OTULIN: variants seen among roughly 807,000 people sequenced by gnomAD.
OTULIN encodes OTU deubiquitinase with linear linkage specificity.
Under a neutral mutation model 39.6 loss-of-function variants are expected in OTULIN, and 15 were observed. That is an observed-to-expected ratio of 0.38 (90% CI 0.25 to 0.58). The LOEUF is 0.58. Among genes scored for constraint, OTULIN ranks in the 20% least tolerant of loss-of-function variants. OTULIN has a pLI of 0.66. For synonymous variants in OTULIN, 156 were observed against 170.3 expected, an observed-to-expected ratio of 0.92 and a Z score of 0.65; for missense variants, 319 against 445.9, an observed-to-expected ratio of 0.72 and a Z score of 2.56.
chr5:14,668,849 C>G (rs1439972831), intron 1 of OTULIN, among the ~76,000 whole-genome samples: 4 of 152,190 alleles, frequency 2.6e-5, no homozygotes, highest in African/African-American at 9.7e-5. Flanking sequence ...TCACTAAGTT[C>G]TGCTTTTAAC....
intron 2 of OTULIN, among the ~76,000 whole-genome samples, chr5:14,678,239 A>G (rs1736155273): frequency 6.6e-6 from 1 of 152,230 alleles, no homozygotes; most frequent in Non-Finnish European, 1.5e-5. Context: ...GGGAAGAGCA[A>G]GCCAGGTGTT....
rs1011632847 is a variant in OTULIN at position 14,694,447 on chromosome 5, G to A, written c.*1399G>A. ...CTGGCAGCCCCTGAATTGGCTCAAC[G>A]TTTGTGGAGGTGGTATTTCCCTGAA... On this transcript the variant is annotated 3_prime_UTR_variant, in exon 7 of 7. Transcript: ENST00000284274. The A allele has an allele frequency of 2.0e-5, 3 of 152,212 alleles. No homozygotes were observed. The highest frequency in any genetic ancestry group is 2.9e-5 in the Non-Finnish European group (2 of 68,042). 9.4% of individuals were successfully genotyped at this position (152,212 alleles called of 1,614,324 possible). A position where few individuals can be genotyped will look rare whatever the true frequency, so the allele number is the denominator to read the frequency against.
intron 5 of OTULIN, among the ~76,000 whole-genome samples, chr5:14,688,399 A>G (rs1736440814): frequency 6.6e-6 from 1 of 152,124 alleles, no homozygotes; most frequent in Non-Finnish European, 1.5e-5. Flanking sequence ...CCTAGCACGT[A>G]CTTCAAACAG....
chr5:14,707,359 T>C, the OTULIN span: 1 of 151,846 alleles, frequency 6.6e-6, no homozygotes, highest in Non-Finnish European at 1.5e-5. Flanking sequence ...ACCAAGGATA[T>C]AGAAAAGTTA....
Position 14,664,980 on chromosome 5 carries a change from G to A in OTULIN, c.152+3G>A. On this transcript the variant is annotated splice_donor_region_variant and intron_variant, in intron 1 of 6. Transcript: ENST00000284274. ...GAGATGCAGTGCCCGGCCGAGCAGT[G>A]AGTCCGCGGGGGCGCGGGGCGCGGG... 1 of 1,069,284 alleles carries A rather than the reference G, an allele frequency of 9.4e-7. No individual in the cohort carries two copies. Among genetic ancestry groups the A allele is most frequent in the Non-Finnish European group, 1.1e-6 (1 of 885,186 alleles). The allele number at this position is 1,069,284 out of a possible 1,614,324, so 66.2% of individuals were successfully genotyped here. A position where few individuals can be genotyped will look rare whatever the true frequency, so the allele number is the denominator to read the frequency against.
At chr5:14,676,611 C>T (rs989886039) in intron 2 of OTULIN, among the ~76,000 whole-genome samples, 2 of 152,246 alleles carry the variant, frequency 1.3e-5, no homozygotes, top group Non-Finnish European at 2.9e-5. Context: ...GGGTGCTGGG[C>T]TTGCCCCACC....
chr5:14,680,627 C>T lies in OTULIN; in HGVS notation c.325-837C>T, dbSNP rs543970756. ...ATCATGCCTGCTGGGGGACCAGACT[C>T]ACTAGGATTTTTTGGTGTCTTTTCA... On this transcript the variant is annotated intron_variant, in intron 3 of 6. Coordinates refer to ENST00000284274, the MANE Select transcript of OTULIN (RefSeq NM_138348.6). Among the ~76,000 whole-genome samples, 116 of 152,196 alleles carry T rather than the reference C, an allele frequency of 7.6e-4. 2 individuals are homozygous for T. The highest frequency in any genetic ancestry group is 1.6e-3 in the Non-Finnish European group (106 of 68,040).
chr5:14,714,663 A>G, the OTULIN span, among the ~76,000 whole-genome samples: 1 of 152,216 alleles, frequency 6.6e-6, no homozygotes, highest in African/African-American at 2.4e-5. Flanking sequence ...TTAGGCAGGC[A>G]GACAGACCCA....
intron 1 of OTULIN, among the ~76,000 whole-genome samples, chr5:14,669,723 G>A (rs906707765): frequency 3.3e-5 from 5 of 152,164 alleles, no homozygotes; most frequent in African/African-American, 1.2e-4. Context: ...GTGAGCTGTG[G>A]TTGCACGGCT....
chr5:14,713,057 T>C, the OTULIN span: 4 of 1,343,580 alleles, frequency 3.0e-6, no homozygotes, highest in Non-Finnish European at 3.1e-6. This position sits in a 1 kb window ranked among gnomAD's most constrained non-coding sequence, Gnocchi z 4.4. Flanking sequence ...GGAAAGTAAG[T>C]GTAGCCTCGA....
At chr5:14,708,324 C>G in the OTULIN span, 3 of 152,304 alleles carry the variant, frequency 2.0e-5, no homozygotes, top group African/African-American at 7.2e-5. Flanking sequence ...TGTATTCATC[C>G]ACAAGCAATC....
intron 2 of OTULIN, among the ~76,000 whole-genome samples, chr5:14,676,363 C>T (rs1404153558): frequency 6.6e-6 from 1 of 152,234 alleles, no homozygotes; most frequent in African/African-American, 2.4e-5. Flanking sequence ...AGGTCAGGTA[C>T]TGCCTTGTCC....
chr5:14,703,267 T>G (rs142423933), downstream of OTULIN, among the ~76,000 whole-genome samples: 38 of 141,590 alleles, frequency 2.7e-4, no homozygotes, highest in East Asian at 5.8e-3. Flanking sequence ...GGGAGCAGAA[T>G]TACAAATATA....
chr5:14,712,884 T>C, the OTULIN span: 2 of 1,610,234 alleles, frequency 1.2e-6, no homozygotes, highest in Non-Finnish European at 1.7e-6. Context: ...CTGCTTCCGG[T>C]AGACATAGCA....
downstream of OTULIN, among the ~76,000 whole-genome samples, chr5:14,703,003 T>C (rs1736828638): frequency 1.3e-5 from 2 of 152,118 alleles, no homozygotes. Context: ...TGAACTGTCA[T>C]TGGCCACTCT....
chr5:14,706,940 A>C, the OTULIN span: 3 of 152,224 alleles, frequency 2.0e-5, no homozygotes, highest in Non-Finnish European at 4.4e-5. Flanking sequence ...AACCGGCTGA[A>C]TGTGCAATGC....
chr5:14,688,442 C>T (rs1736441928), intron 5 of OTULIN, among the ~76,000 whole-genome samples: 1 of 152,144 alleles, frequency 6.6e-6, no homozygotes, highest in Non-Finnish European at 1.5e-5. Context: ...TCTGCTGCTC[C>T]CATTAGACTT....
At chr5:14,708,157 C>G in the OTULIN span, 1 of 152,278 alleles carries the variant, frequency 6.6e-6, no homozygotes, top group African/African-American at 2.4e-5. Flanking sequence ...CAAATGGCAA[C>G]TGCACATTTA....
At chr5:14,684,550 GC>G (rs888770097) in intron 4 of OTULIN, among the ~76,000 whole-genome samples, 1 of 152,144 alleles carries the variant, frequency 6.6e-6, no homozygotes, top group African/African-American at 2.4e-5. Flanking sequence ...TCTCACTCTG[GC>G]CCCCCTGGCC....
Sources: allele counts gnomAD v4.1 joint callset (sites outside exome capture counted in the v4.1 genomes callset), GRCh38; gene constraint gnomAD v4.1.1; non-coding constraint Gnocchi (gnomAD v3.1); transcripts MANE v1.5; gene names NCBI Gene and HGNC (gene_info 2026-07-23, HGNC 2026-07-21).